The following CDK6 variants were observed in gnomAD, a reference collection of about 807,000 sequenced individuals.
CDK6 encodes the protein cyclin dependent kinase 6.
In CDK6, 6 loss-of-function variants were observed where a neutral mutation model predicts 37.1. The observed-to-expected ratio is 0.16, with a 90% CI of 0.09 to 0.32. CDK6 has a LOEUF of 0.32. Among genes scored for constraint, CDK6 ranks in the 10% least tolerant of loss-of-function variants. The pLI is 1.00. For missense variants in CDK6, 224 were observed against 418.9 expected (o/e 0.53, Z 4.06); for synonymous variants, 160 against 161.3 (o/e 0.99, Z 0.06).
rs73232033 is a variant in CDK6 at position 92,683,104 on chromosome 7, A to G, written c.538-11569T>C. Among the ~76,000 whole-genome samples the G allele has an allele frequency of 4.0e-3, 609 of 152,324 alleles. 2 individuals are homozygous for G. The highest frequency in any genetic ancestry group is 9.3e-3 in the South Asian group (45 of 4,828). ...ATAGAAACCAAGCAAATATTTGCAGACATTCCTTCAACCTTCACAGATAAG... is the reference window on the plus strand; with the variant it reads ...ATAGAAACCAAGCAAATATTTGCAGGCATTCCTTCAACCTTCACAGATAAG... On this transcript the variant is annotated intron_variant, in intron 4 of 7. Transcript: ENST00000424848.
chr7:92,632,819 C>T (rs10281105), intron 5 of CDK6, among the ~76,000 whole-genome samples: 2,776 of 151,394 alleles, frequency 0.018, 93 homozygotes, highest in African/African-American at 0.064. Context: ...AAAATATATA[C>T]GCATTGTGGA....
intron 5 of CDK6, among the ~76,000 whole-genome samples, chr7:92,627,656 T>TA (rs1214464957): frequency 6.6e-6 from 1 of 152,066 alleles, no homozygotes; most frequent in Non-Finnish European, 1.5e-5. Flanking sequence ...GACAGACTGC[T>TA]AATGGGTATG....
intron 5 of CDK6, among the ~76,000 whole-genome samples, chr7:92,632,091 G>C (rs1796065634): frequency 6.6e-6 from 1 of 151,998 alleles, no homozygotes; most frequent in South Asian, 2.1e-4. Context: ...TTGCCAAAGG[G>C]AGTCTTATGG....
Position 92,639,889 on chromosome 7 carries a change from G to A in CDK6, c.648-16803C>T, listed in dbSNP as rs1796262296. On this transcript the variant is annotated intron_variant, in intron 5 of 7. Transcript: ENST00000424848. ...AATCAGCCCAACTGTCATCACTTGAGAACATGCTAGCCAGTGAAAGCCAAA... is the reference window on the plus strand; with the variant it reads ...AATCAGCCCAACTGTCATCACTTGAAAACATGCTAGCCAGTGAAAGCCAAA... 2.0e-5 allele frequency among the ~76,000 whole-genome samples: 3 copies of A among 152,144 alleles called. No homozygotes were observed. In the South Asian group the frequency reaches 6.2e-4, roughly 32 times the overall value.
At chr7:92,760,403 G>A (rs1799425040) in intron 3 of CDK6, among the ~76,000 whole-genome samples, 3 of 152,052 alleles carry the variant, frequency 2.0e-5, no homozygotes, top group African/African-American at 7.2e-5. Context: ...TACAAAACCT[G>A]TCCCTTTGTG....
intron 2 of CDK6, among the ~76,000 whole-genome samples, chr7:92,812,295 T>C (rs560485468): frequency 6.6e-6 from 1 of 152,382 alleles, no homozygotes; most frequent in East Asian, 1.9e-4. Context: ...AGAACTGGAA[T>C]GTGAACCCAC....
chr7:92,780,780 C>A (rs953931125), intron 2 of CDK6, among the ~76,000 whole-genome samples: 105 of 139,488 alleles, frequency 7.5e-4, no homozygotes, highest in South Asian at 4.4e-3. Context: ...AAAAAAAAAA[C>A]AAAAAAACAA....
intron 4 of CDK6, among the ~76,000 whole-genome samples, chr7:92,700,066 G>C (rs896705663): frequency 6.6e-6 from 1 of 152,162 alleles, no homozygotes; most frequent in Non-Finnish European, 1.5e-5. Flanking sequence ...GTGAGGCGGG[G>C]TGCAGGATAG....
intron 3 of CDK6, among the ~76,000 whole-genome samples, chr7:92,772,265 A>C (rs1476684597): frequency 6.6e-6 from 1 of 152,176 alleles, no homozygotes; most frequent in Admixed American, 6.5e-5. Flanking sequence ...AGTTAGCAAA[A>C]AATGTTTGAT....
intron 4 of CDK6, among the ~76,000 whole-genome samples, chr7:92,723,479 A>G (rs1357197439): frequency 6.6e-6 from 1 of 152,142 alleles, no homozygotes; most frequent in Non-Finnish European, 1.5e-5. Context: ...AAAAATACAT[A>G]CCAGTTCAGT....
At chr7:92,694,108 G>A (rs146039611) in intron 4 of CDK6, among the ~76,000 whole-genome samples, 1,913 of 152,284 alleles carry the variant, frequency 0.013, 28 homozygotes, top group Non-Finnish European at 0.017. Context: ...AAGGGAAAGA[G>A]TCCTTGATTG....
At chr7:92,655,701 T>C (rs1165782218) in intron 5 of CDK6, among the ~76,000 whole-genome samples, 1 of 152,252 alleles carries the variant, frequency 6.6e-6, no homozygotes, top group African/African-American at 2.4e-5. Flanking sequence ...GTGCCAGTGA[T>C]AAGAGAAGAG....
intron 3 of CDK6, among the ~76,000 whole-genome samples, chr7:92,773,771 C>A (rs1246800156): frequency 6.6e-6 from 1 of 152,174 alleles, no homozygotes; most frequent in Non-Finnish European, 1.5e-5. Context: ...CAGTCAGTAT[C>A]TGAGAACGTC....
At chr7:92,791,172 T>C (rs773165247) in intron 2 of CDK6, among the ~76,000 whole-genome samples, 1 of 151,958 alleles carries the variant, frequency 6.6e-6, no homozygotes, top group African/African-American at 2.4e-5. Flanking sequence ...TGTCTAAATG[T>C]GGCGGGGGTG....
chr7:92,689,971 G>A (rs541336406), intron 4 of CDK6, among the ~76,000 whole-genome samples: 8 of 151,302 alleles, frequency 5.3e-5, no homozygotes, highest in East Asian at 1.9e-4. Context: ...CTTTTTTATC[G>A]TTTTTTTTCC....
intron 2 of CDK6, among the ~76,000 whole-genome samples, chr7:92,822,726 G>A (rs995326912): frequency 6.6e-6 from 1 of 152,020 alleles, no homozygotes; most frequent in Non-Finnish European, 1.5e-5. Context: ...AAAATAAGGT[G>A]CCCAAGAAAA....
At position 92,833,564 on chromosome 7, in the gene CDK6, T is replaced by TTGC; in HGVS notation, c.-242_-241insGCA. On this transcript the variant is annotated 5_prime_UTR_variant, in exon 2 of 8. Transcript: ENST00000424848. This position sits in a 1 kb window ranked among gnomAD's most constrained non-coding sequence, Gnocchi z 6.1. ...CCGCCGCGAAACTCCGCCTGCAGAG[T>TTGC]CGCCGCCGCCGCCGCCGCCGGAGGA... is the stretch of plus-strand genomic sequence containing the variant. 7.5e-6 allele frequency: 4 copies of TTGC among 536,006 alleles called. No homozygotes were observed. The highest frequency in any genetic ancestry group is 6.4e-6 in the Non-Finnish European group (2 of 310,670). The allele number at this position is 536,006 out of a possible 1,614,324, so 33.2% of individuals were successfully genotyped here. A position where few individuals can be genotyped will look rare whatever the true frequency, so the allele number is the denominator to read the frequency against.
intron 4 of CDK6, among the ~76,000 whole-genome samples, chr7:92,684,011 G>A (rs1021163334): frequency 1.3e-4 from 20 of 152,298 alleles, no homozygotes; most frequent in African/African-American, 4.6e-4. Flanking sequence ...TAAATAAGTA[G>A]GGGGCTACGG....
Position 92,833,049 on chromosome 7 carries a change from G to T in CDK6, c.233+42C>A. The T allele has an allele frequency of 7.2e-7, 1 of 1,396,532 alleles. No individual in the cohort carries two copies. The highest frequency in any genetic ancestry group is 9.7e-7 in the Non-Finnish European group (1 of 1,030,028). The allele number at this position is 1,396,532 out of a possible 1,614,324, so 86.5% of individuals were successfully genotyped here. A position where few individuals can be genotyped will look rare whatever the true frequency, so the allele number is the denominator to read the frequency against. ...ATTCCCGGCTCGGCCCTCCCCGCGCGCGCGAGGCCCCAGATGGCGAGGGCG... is the reference window on the plus strand; with the variant it reads ...ATTCCCGGCTCGGCCCTCCCCGCGCTCGCGAGGCCCCAGATGGCGAGGGCG... On this transcript the variant is annotated intron_variant, in intron 2 of 7. Transcript: ENST00000424848. This position sits in a 1 kb window ranked among gnomAD's most constrained non-coding sequence, Gnocchi z 6.1.
Sources: gnomAD v4.1 joint callset for allele counts (sites outside exome capture counted in the v4.1 genomes callset) on GRCh38, gnomAD v4.1.1 for gene constraint, Gnocchi (gnomAD v3.1) non-coding constraint, MANE v1.5 for transcripts, NCBI Gene and HGNC (gene_info 2026-07-23, HGNC 2026-07-21) for gene names.